Variants in MGA observed in about 807,000 individuals in gnomAD.
The protein encoded by MGA is MAX gene-associated protein.
Under a neutral mutation model 261.1 loss-of-function variants are expected in MGA, and 40 were observed. The ratio of observed to expected loss-of-function variants is 0.15; its 90% confidence interval spans 0.12 to 0.20. The LOEUF (loss-of-function observed/expected upper bound fraction) is 0.20. Ranked by LOEUF, MGA falls within the 10% of genes least tolerant of loss-of-function variation. MGA has a pLI of 1.00. For synonymous variants in MGA, 1,302 were observed against 1,290.6 expected, an observed-to-expected ratio of 1.01 and a Z score of -0.19; for missense variants, 3,397 against 3,630.5, an observed-to-expected ratio of 0.94 and a Z score of 1.65.
intron 9 of MGA, 138 bp downstream of exon 9, chr15:41,713,634 T>C: frequency 1.9e-6 from 2 of 1,044,866 alleles, no homozygotes; most frequent in South Asian, 3.6e-5. Context: ...CCTTACATGC[T>C]CTTTCTGACT....
At chr15:41,740,287 T>C (rs149189407) in intron 14 of MGA, 84 bp downstream of exon 14, 17 of 1,359,570 alleles carry the variant, frequency 1.3e-5, no homozygotes, top group East Asian at 1.2e-4. Context: ...TTGTAAAAAT[T>C]AGAGAAATAT....
At chr15:41,762,394 T>A (rs561131226) in intron 22 of MGA, 32 bp downstream of exon 22, 1 of 1,556,390 alleles carries the variant, frequency 6.4e-7, no homozygotes, top group Non-Finnish European at 8.8e-7. Context: ...TTCCTTAATG[T>A]AGATATACAT....
intron 1 of MGA, among the ~76,000 whole-genome samples, chr15:41,631,769 T>C (rs1045775961): frequency 4.6e-5 from 7 of 152,210 alleles, no homozygotes; most frequent in African/African-American, 1.4e-4. Context: ...AAAAAGTATG[T>C]ATTTTCATAT....
At chr15:41,691,137 T>C (rs550306985) in intron 2 of MGA, among the ~76,000 whole-genome samples, 1 of 152,216 alleles carries the variant, frequency 6.6e-6, no homozygotes, top group East Asian at 1.9e-4. Flanking sequence ...GGATTATTGC[T>C]GTTTTACCAA....
Position 41,742,718 on chromosome 15 carries a change from A to G in MGA, c.4758A>G (p.Pro1586=). The change falls in exon 15 of 24, where the codon CCA becomes CCG. Residue 1586 remains proline (P), a synonymous_variant. Coordinates refer to ENST00000219905, the MANE Select transcript of MGA (RefSeq NM_001164273.2). ...TCACACCTGTGGTTTCTTCTGAGCC[A>G]GTTCAGGTGTGCAGCCCTGTGACTG... The G allele has an allele frequency of 1.2e-6, 2 of 1,614,016 alleles. No homozygotes were observed. The highest frequency in any genetic ancestry group is 1.7e-6 in the Non-Finnish European group (2 of 1,179,890).
rs2062196080 is a variant in MGA, at chr15:41,742,865, A to G, written c.4905A>G (p.Thr1635=). The change falls in exon 15 of 24, where the codon ACA becomes ACG. Residue 1635 remains threonine, a synonymous_variant. Coordinates refer to ENST00000219905, the MANE Select transcript of MGA (RefSeq NM_001164273.2). ...CTTATTCTTCTGGTGCCACCACTAC[A>G]GGGGTTGTTGAGGTCTCTGAAACTA... 1.2e-6 allele frequency: 2 copies of G among 1,614,026 alleles called. No homozygotes were observed. Among genetic ancestry groups the G allele is most frequent in the Non-Finnish European group, 1.7e-6 (2 of 1,179,906 alleles).
intron 5 of MGA, among the ~76,000 whole-genome samples, chr15:41,703,641 C>T (rs2059965874): frequency 6.6e-6 from 1 of 151,966 alleles, no homozygotes; most frequent in Non-Finnish European, 1.5e-5. Context: ...ACTCTGGAGG[C>T]TGAGGCAGGA....
intron 3 of MGA, among the ~76,000 whole-genome samples, chr15:41,697,417 TC>T (rs1156563134): frequency 7.4e-6 from 1 of 134,864 alleles, no homozygotes; most frequent in Non-Finnish European, 1.6e-5. Flanking sequence ...ATTTTTCTTT[TC>T]TTTTTTTTTT....
At chr15:41,644,678 A>G (rs1161172330) in intron 1 of MGA, among the ~76,000 whole-genome samples, 1 of 152,178 alleles carries the variant, frequency 6.6e-6, no homozygotes. Context: ...AAGAAAAAAT[A>G]TTACCATTCA....
At chr15:41,719,621 A>G (rs1054152063) in intron 9 of MGA, among the ~76,000 whole-genome samples, 1 of 152,130 alleles carries the variant, frequency 6.6e-6, no homozygotes, top group Non-Finnish European at 1.5e-5. Flanking sequence ...ATGCACCTGT[A>G]GTCCGAGCTA....
chr15:41,708,800 A>G (rs1343638329), intron 7 of MGA, among the ~76,000 whole-genome samples: 1 of 152,218 alleles, frequency 6.6e-6, no homozygotes, highest in African/African-American at 2.4e-5. Context: ...ATTAGTTTAG[A>G]ACTGTATACT....
At position 41,669,366 on chromosome 15, in the gene MGA, A is replaced by G; in HGVS notation, c.472A>G (p.Ile158Val). 1 of 1,613,994 alleles carries G rather than the reference A, an allele frequency of 6.2e-7. No homozygotes were observed. The highest frequency in any genetic ancestry group is 8.5e-7 in the Non-Finnish European group (1 of 1,179,878). ...ACCTCATGTTTTGGGGAGGGTTTTC[A>G]TTCATCCAGAATCTCCTTCCACAGG... Residue 158 changes from isoleucine to valine, a missense_variant, in exon 2 of 24, where the codon ATT becomes GTT. Transcript: ENST00000219905.
rs138323059 is a variant in MGA, at chr15:41,660,945, G to A, written c.-68+420G>A. Among the ~76,000 whole-genome samples the A allele has an allele frequency of 4.7e-3, 712 of 152,356 alleles. 6 individuals carry two copies. Among genetic ancestry groups the A allele is most frequent in the African/African-American group, 0.017 (688 of 41,594 alleles). ...GAGAGCCACGCTTACGCGCTTTTCA[G>A]TTTAGAGCCTAGGTCTCGTGGTTCT... On this transcript the variant is annotated intron_variant, in intron 1 of 23. Transcript: ENST00000219905.
chr15:41,679,252 G>T (rs2058542984), intron 2 of MGA, among the ~76,000 whole-genome samples: 2 of 152,210 alleles, frequency 1.3e-5, no homozygotes. Context: ...GGCCAGGCTG[G>T]TCTTAAACCC....
intron 22 of MGA, 65 bp from the exon 23 acceptor site, chr15:41,764,821 G>A: frequency 6.5e-7 from 1 of 1,536,696 alleles, no homozygotes; most frequent in Non-Finnish European, 8.9e-7. Context: ...TGGGATTACA[G>A]GCATGAGCCA....
chr15:41,754,528 T>A lies in MGA; in HGVS notation c.7100T>A (p.Leu2367Gln), dbSNP rs371551834. Residue 2367 changes from leucine to glutamine, a missense_variant, in exon 18 of 24, where the codon CTG becomes CAG. This residue lies in a region of MGA where 1,410 missense variants were observed against 1,386.4 expected (regional missense o/e 1.02). Transcript: ENST00000219905. ...TCAGAGGAAATTAATGTTGCTCACC[T>A]GAAGACCACAGCGGCCCACACACAG... 1.3e-6 allele frequency: 2 copies of A among 1,588,810 alleles called. No individual in the cohort carries two copies. Among genetic ancestry groups the A allele is most frequent in the Non-Finnish European group, 1.7e-6 (2 of 1,166,116 alleles).
In MGA at chr15:41,754,427, T is replaced by C; in HGVS notation, c.7009-10T>C. ...AATACATTATTTACTTTTATAATGA[T>C]GTATTTCAGAATAACTGTGTAGAAT... is the stretch of plus-strand genomic sequence containing the variant. On this transcript the variant is annotated splice_polypyrimidine_tract_variant and intron_variant, in intron 17 of 23. Transcript: ENST00000219905. 1 of 1,531,198 alleles carries C rather than the reference T, an allele frequency of 6.5e-7. No homozygotes were observed. Among genetic ancestry groups the C allele is most frequent in the South Asian group, 1.2e-5 (1 of 80,326 alleles). The allele number at this position is 1,531,198 out of a possible 1,614,324, so 94.9% of individuals were successfully genotyped here. A position where few individuals can be genotyped will look rare whatever the true frequency, so the allele number is the denominator to read the frequency against.
chr15:41,670,182 T>C (rs1225954634), intron 2 of MGA, among the ~76,000 whole-genome samples: 8 of 152,288 alleles, frequency 5.3e-5, no homozygotes, highest in South Asian at 2.1e-4. Flanking sequence ...GGATAACTTA[T>C]CAGAATTATT....
intron 2 of MGA, among the ~76,000 whole-genome samples, chr15:41,693,517 C>T (rs1053267225): frequency 4.6e-5 from 7 of 152,124 alleles, no homozygotes; most frequent in African/African-American, 1.2e-4. Flanking sequence ...ACTACACATT[C>T]ATGTAATGGT....
Sources: gnomAD v4.1 joint callset for allele counts (sites outside exome capture counted in the v4.1 genomes callset) on GRCh38, gnomAD v4.1.1 for gene constraint, gnomAD v4.1.1 regional missense constraint, MANE v1.5 for transcripts, NCBI Gene and HGNC (gene_info 2026-07-23, HGNC 2026-07-21) for gene names.